NALF1: variants seen among roughly 807,000 people sequenced by gnomAD.
The protein encoded by NALF1 is NALCN channel auxiliary factor 1, also known as family with sequence similarity 155 member A.
In NALF1, 3 loss-of-function variants were observed where a neutral mutation model predicts 48.4. That is an observed-to-expected ratio of 0.06 (90% CI 0.03 to 0.16). NALF1 has a LOEUF of 0.16. Among genes scored for constraint, NALF1 ranks in the 10% least tolerant of loss-of-function variants. The pLI is 1.00. For synonymous variants in NALF1, 262 were observed against 245.7 expected, an observed-to-expected ratio of 1.07 and a Z score of -0.62; for missense variants, 526 against 571.5, an observed-to-expected ratio of 0.92 and a Z score of 0.81.
chr13:107,771,171 A>G (rs1049590986), intron 1 of NALF1, among the ~76,000 whole-genome samples: 1 of 152,200 alleles, frequency 6.6e-6, no homozygotes, highest in Non-Finnish European at 1.5e-5. Context: ...TAAAATTAAC[A>G]GAACTTTTAA....
intron 1 of NALF1, among the ~76,000 whole-genome samples, chr13:107,416,745 C>T (rs992247764): frequency 6.6e-6 from 1 of 152,180 alleles, no homozygotes; most frequent in Admixed American, 6.5e-5. Context: ...CCAACCCTCA[C>T]GTTGCTCAAG....
At chr13:107,278,464 T>C (rs1158411445) in intron 1 of NALF1, among the ~76,000 whole-genome samples, 1 of 152,214 alleles carries the variant, frequency 6.6e-6, no homozygotes, top group Non-Finnish European at 1.5e-5. Flanking sequence ...TTTTCCTCCT[T>C]TTGTTCTCTG....
At chr13:107,849,711 A>G (rs1880262176) in intron 1 of NALF1, among the ~76,000 whole-genome samples, 1 of 152,146 alleles carries the variant, frequency 6.6e-6, no homozygotes, top group South Asian at 2.1e-4. Context: ...CTCACTCTCA[A>G]TTGGAGGAGT....
intron 1 of NALF1, among the ~76,000 whole-genome samples, chr13:107,301,342 G>T (rs193143101): frequency 1.3e-5 from 2 of 152,092 alleles, no homozygotes; most frequent in Non-Finnish European, 1.5e-5. Context: ...AAAAGAGAAC[G>T]CAATAGCTTT....
intron 1 of NALF1, among the ~76,000 whole-genome samples, chr13:107,626,955 A>G (rs1879690818): frequency 6.6e-6 from 1 of 152,144 alleles, no homozygotes. Context: ...TACTTCAATG[A>G]TGAATTTGAA....
At chr13:107,661,089 C>G (rs1880725324) in intron 1 of NALF1, among the ~76,000 whole-genome samples, 1 of 152,136 alleles carries the variant, frequency 6.6e-6, no homozygotes, top group Admixed American at 6.5e-5. Flanking sequence ...GATTGGAGCA[C>G]CTCTCAAACA....
At chr13:107,736,200 C>T (rs3927719) in intron 1 of NALF1, among the ~76,000 whole-genome samples, 1 of 5,060 alleles carries the variant, frequency 2.0e-4, no homozygotes, top group Admixed American at 6.0e-3. Context: ...CACATACACA[C>T]ACACACACAC....
intron 1 of NALF1, among the ~76,000 whole-genome samples, chr13:107,859,174 A>C (rs1880506087): frequency 6.6e-6 from 1 of 152,220 alleles, no homozygotes; most frequent in African/African-American, 2.4e-5. Flanking sequence ...GAAAACTGAG[A>C]GGTGAAGAGG....
At chr13:107,489,070 G>T (rs1323144782) in intron 1 of NALF1, among the ~76,000 whole-genome samples, 1 of 152,202 alleles carries the variant, frequency 6.6e-6, no homozygotes, top group East Asian at 1.9e-4. Flanking sequence ...AACTAGGAAG[G>T]TTTAAGATCT....
intron 2 of NALF1, among the ~76,000 whole-genome samples, chr13:107,205,945 G>A (rs1469160603): frequency 6.6e-6 from 1 of 151,852 alleles, no homozygotes; most frequent in African/African-American, 2.4e-5. Context: ...GGAAGCCCAC[G>A]TAATTACCAC....
At position 107,866,639 on chromosome 13, in the gene NALF1, G is replaced by A. The variant is rs1176203067; in HGVS notation, c.-43C>T. ...CCCTGGCCGACTCCACCGTGAGGGC[G>A]CCTGTGCCGGTGTCACCACAATATG... On this transcript the variant is annotated 5_prime_UTR_variant, in exon 1 of 3. Coordinates refer to ENST00000375915, the MANE Select transcript of NALF1 (RefSeq NM_001080396.3). The surrounding 1 kb of genome is among the most constrained non-coding windows in gnomAD (Gnocchi z 4.4). 2.0e-6 allele frequency: 3 copies of A among 1,534,776 alleles called. No homozygotes were observed. The highest frequency in any genetic ancestry group is 1.4e-5 in the African/African-American group (1 of 72,686).
At chr13:107,768,714 G>A (rs1197224207) in intron 1 of NALF1, among the ~76,000 whole-genome samples, 1 of 152,122 alleles carries the variant, frequency 6.6e-6, no homozygotes, top group Non-Finnish European at 1.5e-5. Flanking sequence ...TTGACTGGCA[G>A]ATACAGCAAT....
intron 1 of NALF1, among the ~76,000 whole-genome samples, chr13:107,519,654 C>G (rs1876173377): frequency 6.6e-6 from 1 of 152,116 alleles, no homozygotes; most frequent in Non-Finnish European, 1.5e-5. Context: ...ATCAGCCAAA[C>G]AGAAGTTTCA....
intron 1 of NALF1, among the ~76,000 whole-genome samples, chr13:107,737,818 C>G (rs1289901740): frequency 6.6e-6 from 1 of 152,058 alleles, no homozygotes; most frequent in African/African-American, 2.4e-5. Flanking sequence ...GTTCTGTATG[C>G]CTAATAAAAA....
At chr13:107,864,505 A>G (rs1771138) in intron 1 of NALF1, among the ~76,000 whole-genome samples, 120,220 of 152,168 alleles carry the variant, frequency 0.79, 47,720 homozygotes, top group Admixed American at 0.84. Flanking sequence ...GAGACAGAGG[A>G]ACAGTTGTTC....
chr13:107,744,129 C>A (rs977243057), intron 1 of NALF1, among the ~76,000 whole-genome samples: 1 of 152,248 alleles, frequency 6.6e-6, no homozygotes, highest in East Asian at 1.9e-4. Flanking sequence ...CTATAAAAAT[C>A]CAGCACAGAA....
intron 1 of NALF1, among the ~76,000 whole-genome samples, chr13:107,655,424 AT>A (rs1880551525): frequency 6.6e-6 from 1 of 152,152 alleles, no homozygotes; most frequent in Non-Finnish European, 1.5e-5. Context: ...AAAAAATAAA[AT>A]AAAGTACTTA....
intron 1 of NALF1, among the ~76,000 whole-genome samples, chr13:107,435,929 G>C (rs1384069782): frequency 1.3e-5 from 2 of 152,144 alleles, no homozygotes; most frequent in African/African-American, 4.8e-5. Flanking sequence ...TACCATGGCA[G>C]CAGTTCCACA....
intron 1 of NALF1, among the ~76,000 whole-genome samples, chr13:107,367,063 C>A (rs1883163749): frequency 6.6e-6 from 1 of 152,134 alleles, no homozygotes; most frequent in African/African-American, 2.4e-5. Context: ...TAGTCCCTTG[C>A]ACAAGGATGA....
Sources: gnomAD v4.1 joint callset for allele counts (sites outside exome capture counted in the v4.1 genomes callset) on GRCh38, gnomAD v4.1.1 for gene constraint, Gnocchi (gnomAD v3.1) non-coding constraint, MANE v1.5 for transcripts, NCBI Gene and HGNC (gene_info 2026-07-23, HGNC 2026-07-21) for gene names.